Variants in CAMTA1 observed in about 807,000 individuals in gnomAD.
CAMTA1 encodes calmodulin binding transcription activator 1.
A neutral mutation model predicts 170.9 loss-of-function variants in CAMTA1; 27 were observed. That is an observed-to-expected ratio of 0.16 (90% CI 0.12 to 0.22). The LOEUF is 0.22. CAMTA1 is among the 10% of genes least tolerant of loss of function. CAMTA1 has a pLI of 1.00. For synonymous variants in CAMTA1, 833 were observed against 891.5 expected (o/e 0.93, Z 1.17); for missense variants, 1,619 against 2,217.2 (o/e 0.73, Z 5.42).
chr1:6,803,387 T>C (rs1257944312), intron 1 of CAMTA1, among the ~76,000 whole-genome samples: 2 of 152,206 alleles, frequency 1.3e-5, no homozygotes, highest in African/African-American at 4.8e-5. Context: ...CCTTCACCTT[T>C]TCCTTAGTAT....
chr1:7,305,702 GT>G (rs1321021798), intron 5 of CAMTA1, among the ~76,000 whole-genome samples: 1 of 148,888 alleles, frequency 6.7e-6, no homozygotes. Context: ...TTATATATAG[GT>G]TTTCATGTAA....
chr1:6,988,959 CTGGTA>C (rs1277840317), intron 3 of CAMTA1, among the ~76,000 whole-genome samples: 3 of 152,228 alleles, frequency 2.0e-5, no homozygotes, highest in African/African-American at 7.2e-5. Flanking sequence ...AACCCTGCTC[CTGGTA>C]GTTTTCTTTG....
intron 5 of CAMTA1, among the ~76,000 whole-genome samples, chr1:7,385,417 T>G (rs769554685): frequency 9.2e-5 from 14 of 152,212 alleles, no homozygotes; most frequent in Non-Finnish European, 2.1e-4. Flanking sequence ...CGTTTCAAGT[T>G]GAATCTGTTG....
chr1:7,197,081 A>G (rs1187807297), intron 4 of CAMTA1, among the ~76,000 whole-genome samples: 1 of 152,204 alleles, frequency 6.6e-6, no homozygotes, highest in Non-Finnish European at 1.5e-5. Flanking sequence ...TTTCACACAC[A>G]CGGGTCATCT....
chr1:7,498,365 A>G (rs1007117497), intron 6 of CAMTA1, among the ~76,000 whole-genome samples: 6 of 148,806 alleles, frequency 4.0e-5, no homozygotes, highest in African/African-American at 1.5e-4. Flanking sequence ...GTGAGTGTGG[A>G]TGTGTGTGTA....
chr1:7,172,350 G>A (rs570328039), intron 4 of CAMTA1, among the ~76,000 whole-genome samples: 4 of 152,248 alleles, frequency 2.6e-5, no homozygotes, highest in East Asian at 1.9e-4. Flanking sequence ...GGGTTTCACC[G>A]TGTTGGCCAG....
chr1:7,660,768 T>C (rs1171418533), intron 7 of CAMTA1, among the ~76,000 whole-genome samples: 1 of 152,138 alleles, frequency 6.6e-6, no homozygotes, highest in South Asian at 2.1e-4. Flanking sequence ...CCTCTCCGTA[T>C]CTCGACCCTG....
At chr1:7,155,389 G>GC (rs35499006) in intron 4 of CAMTA1, among the ~76,000 whole-genome samples, 15 of 150,268 alleles carry the variant, frequency 1.0e-4, no homozygotes, top group South Asian at 4.3e-4. Flanking sequence ...GGCACCGTTG[G>GC]GGGGGGGATT....
chr1:6,852,934 C>T (rs956298326), intron 3 of CAMTA1: 4 of 152,140 alleles, frequency 2.6e-5, no homozygotes, highest in Admixed American at 2.0e-4. Flanking sequence ...TCGCCATTCT[C>T]CCGAGAGTCC....
At chr1:7,481,742 C>T (rs74053038) in intron 6 of CAMTA1, among the ~76,000 whole-genome samples, 2,372 of 152,194 alleles carry the variant, frequency 0.016, 67 homozygotes, top group African/African-American at 0.054. Context: ...CACAGCACAC[C>T]TCCCCCAAGT....
intron 3 of CAMTA1, among the ~76,000 whole-genome samples, chr1:6,827,465 G>A (rs961361890): frequency 1.3e-5 from 2 of 151,838 alleles, no homozygotes; most frequent in African/African-American, 4.8e-5. Context: ...GGAATATTAA[G>A]TGTGACAGCG....
At chr1:7,331,562 G>C (rs1271134768) in intron 5 of CAMTA1, among the ~76,000 whole-genome samples, 4 of 152,186 alleles carry the variant, frequency 2.6e-5, no homozygotes, top group Admixed American at 2.0e-4. Context: ...ATCACATCCA[G>C]TGGCGTCTGG....
chr1:7,521,256 G>A lies in CAMTA1; in HGVS notation c.510+53355G>A, dbSNP rs115214384. Among the ~76,000 whole-genome samples, 1,009 of 152,264 alleles carry A rather than the reference G, an allele frequency of 6.6e-3. 13 individuals are homozygous for A. The highest frequency in any genetic ancestry group is 0.023 in the African/African-American group (968 of 41,554). ...AAAATTAAAAGATGATACCCCATCA[G>A]CGCCCCCATTTTTAATTGAAATTTT... On this transcript the variant is annotated intron_variant, in intron 6 of 22. Coordinates refer to ENST00000303635, the MANE Select transcript of CAMTA1 (RefSeq NM_015215.4).
intron 20 of CAMTA1, 118 bp from the exon 21 acceptor site, chr1:7,752,341 T>G (rs978198847): frequency 1.2e-6 from 1 of 818,204 alleles, no homozygotes; most frequent in African/African-American, 1.7e-5. Context: ...CTTTAACATA[T>G]GCTGTTGGCT....
At chr1:7,023,108 G>A (rs538336129) in intron 3 of CAMTA1, among the ~76,000 whole-genome samples, 84 of 152,054 alleles carry the variant, frequency 5.5e-4, no homozygotes, top group Non-Finnish European at 1.9e-4. Context: ...TCAGGAACAC[G>A]GTATACCCCA....
At chr1:7,213,637 T>G (rs898013605) in intron 4 of CAMTA1, among the ~76,000 whole-genome samples, 5 of 152,204 alleles carry the variant, frequency 3.3e-5, no homozygotes, top group Non-Finnish European at 7.3e-5. Flanking sequence ...CTTTAAGTTT[T>G]AGGGTACATA....
At chr1:6,938,945 T>TTGG (rs1278478355) in intron 3 of CAMTA1, among the ~76,000 whole-genome samples, 2 of 152,244 alleles carry the variant, frequency 1.3e-5, no homozygotes, top group African/African-American at 4.8e-5. Context: ...CCCAAGACGT[T>TTGG]TGGGCCTGAC....
At chr1:7,226,397 C>T (rs927541550) in intron 4 of CAMTA1, among the ~76,000 whole-genome samples, 3 of 152,110 alleles carry the variant, frequency 2.0e-5, no homozygotes, top group Non-Finnish European at 4.4e-5. Context: ...GCAGGTGCCC[C>T]GTGAATGCTT....
intron 5 of CAMTA1, among the ~76,000 whole-genome samples, chr1:7,439,471 C>T (rs1231771255): frequency 2.6e-5 from 4 of 152,202 alleles, no homozygotes; most frequent in African/African-American, 7.2e-5. Context: ...CACTGCGACT[C>T]TGCCACCTGA....
Sources: allele counts gnomAD v4.1 joint callset (sites outside exome capture counted in the v4.1 genomes callset), GRCh38; gene constraint gnomAD v4.1.1; transcripts MANE v1.5; gene names NCBI Gene and HGNC (gene_info 2026-07-23, HGNC 2026-07-21).